TACC1: variants seen among roughly 807,000 people sequenced by gnomAD.
TACC1 encodes transforming acidic coiled-coil containing protein 1, also known as transforming acidic coiled-coil-containing protein 1.
TACC1 carries 48 observed loss-of-function variants against 84.4 expected under a neutral mutation model. That is an observed-to-expected ratio of 0.57 (90% CI 0.45 to 0.72). The LOEUF is 0.72. Among genes scored for constraint, TACC1 ranks in the 30% least tolerant of loss-of-function variants. The probability of loss-of-function intolerance (pLI) is 0.00; values close to 1 mark genes in which losing one functional copy is unlikely to be tolerated. For synonymous variants in TACC1, 372 were observed against 376.3 expected (o/e 0.99, Z 0.13); for missense variants, 920 against 973.0 (o/e 0.95, Z 0.72).
chr8:38,752,195 G>A (rs1443201565), intron 3 of TACC1, among the ~76,000 whole-genome samples: 2 of 152,122 alleles, frequency 1.3e-5, no homozygotes, highest in Non-Finnish European at 2.9e-5. Flanking sequence ...TCTTGGCCAG[G>A]CACTGTGGCT....
Position 38,848,466 on chromosome 8 carries a change from GC to G in TACC1, c.*445del, listed in dbSNP as rs1359584689. ...TGGTTTTATTTAAGGAGACAGTTTG[GC>G]CTATTGTTACTTCCAATTTATAATC... On this transcript the variant is annotated 3_prime_UTR_variant, in exon 13 of 13. Coordinates refer to ENST00000317827, the MANE Select transcript of TACC1 (RefSeq NM_006283.3). 6.5e-6 allele frequency: 1 copy of G among 153,042 alleles called. No individual in the cohort carries two copies. The highest frequency in any genetic ancestry group is 1.5e-5 in the Non-Finnish European group (1 of 68,468). 9.5% of individuals were successfully genotyped at this position (153,042 alleles called of 1,614,324 possible). A position where few individuals can be genotyped will look rare whatever the true frequency, so the allele number is the denominator to read the frequency against.
chr8:38,828,508 G>A (rs905422243), intron 5 of TACC1, among the ~76,000 whole-genome samples: 2 of 152,176 alleles, frequency 1.3e-5, no homozygotes, highest in Admixed American at 1.3e-4. Context: ...TATAATTGGA[G>A]GACAGAAGGG....
At chr8:38,844,463 C>T (rs1223992001) in intron 11 of TACC1, among the ~76,000 whole-genome samples, 7 of 152,098 alleles carry the variant, frequency 4.6e-5, no homozygotes, top group African/African-American at 9.7e-5. Context: ...TGTGAGCCAC[C>T]GCGCCCAGCC....
At chr8:38,735,435 C>T (rs1025865128) in intron 1 of TACC1, among the ~76,000 whole-genome samples, 1 of 152,172 alleles carries the variant, frequency 6.6e-6, no homozygotes, top group Non-Finnish European at 1.5e-5. Flanking sequence ...CAGACTGGCA[C>T]CCTTACATCT....
At chr8:38,841,240 C>T (rs1400890650) in intron 9 of TACC1, among the ~76,000 whole-genome samples, 1 of 152,144 alleles carries the variant, frequency 6.6e-6, no homozygotes, top group African/African-American at 2.4e-5. Context: ...CACTTTGGCT[C>T]ACGTCTGAAC....
At chr8:38,747,487 G>T (rs1037232899) in intron 3 of TACC1, among the ~76,000 whole-genome samples, 1 of 152,156 alleles carries the variant, frequency 6.6e-6, no homozygotes. Context: ...GATAAACCGT[G>T]ATATATCCAG....
chr8:38,746,324 A>G (rs1808087410), intron 3 of TACC1, among the ~76,000 whole-genome samples: 2 of 152,200 alleles, frequency 1.3e-5, no homozygotes, highest in African/African-American at 4.8e-5. Context: ...TTCTGCTTTC[A>G]AGGTTTATAT....
chr8:38,753,637 C>T (rs191532349), intron 3 of TACC1, among the ~76,000 whole-genome samples: 2 of 152,178 alleles, frequency 1.3e-5, no homozygotes, highest in East Asian at 1.9e-4. Context: ...TCCCTAAAAG[C>T]CCTCATAAGT....
chr8:38,843,468 C>CT, intron 11 of TACC1, 73 bp downstream of exon 11: 1 of 1,109,104 alleles, frequency 9.0e-7, no homozygotes, highest in South Asian at 1.6e-5. Flanking sequence ...AACAAAATCA[C>CT]TGTTTCGCAA....
Position 38,845,279 on chromosome 8 carries a change from A to G in TACC1, c.2229-1420A>G, listed in dbSNP as rs964140988. Among the ~76,000 whole-genome samples, 4 of 152,280 alleles carry G rather than the reference A, an allele frequency of 2.6e-5. No homozygotes were observed. The East Asian group carries it at 5.8e-4, about 22-fold the overall frequency. Reference sequence around the variant, plus strand: ...TACATGCTTGTACATTTTGCTGCCTAAATTTCTATCTGTAGAAGCAGAAGT... The same window carrying G: ...TACATGCTTGTACATTTTGCTGCCTGAATTTCTATCTGTAGAAGCAGAAGT... On this transcript the variant is annotated intron_variant, in intron 11 of 12. Coordinates refer to ENST00000317827, the MANE Select transcript of TACC1 (RefSeq NM_006283.3).
Position 38,787,354 on chromosome 8 carries a change from C to G in TACC1, c.-229C>G. 7.6e-7 allele frequency: 1 copy of G among 1,309,964 alleles called. No individual in the cohort carries two copies. The highest frequency in any genetic ancestry group is 1.6e-5 in the African/African-American group (1 of 64,482). The allele number at this position is 1,309,964 out of a possible 1,614,324, so 81.1% of individuals were successfully genotyped here. A position where few individuals can be genotyped will look rare whatever the true frequency, so the allele number is the denominator to read the frequency against. ...GGCTAGTGGAGCCCGGCGCGGGGCC[C>G]GCTGCGGCCGCACCGTGAGGGGAGG... On this transcript the variant is annotated 5_prime_UTR_variant, in exon 1 of 13. Transcript: ENST00000317827.
At chr8:38,838,152 TGTCTGTCCCAGTCAGGGCCTG>T (rs1830573072) in intron 7 of TACC1, among the ~76,000 whole-genome samples, 1 of 152,234 alleles carries the variant, frequency 6.6e-6, no homozygotes, top group African/African-American at 2.4e-5. Flanking sequence ...CTGTTCTTGG[TGTCTGTCCCAGTCAGGGCCTG>T]GCCCTGCAGA....
At chr8:38,792,442 C>T (rs1269029984) in intron 2 of TACC1, among the ~76,000 whole-genome samples, 1 of 151,948 alleles carries the variant, frequency 6.6e-6, no homozygotes, top group African/African-American at 2.4e-5. Context: ...TATAGGCACA[C>T]ACTACCATGC....
At chr8:38,755,686 A>G (rs1387387147) in intron 3 of TACC1, among the ~76,000 whole-genome samples, 1 of 149,884 alleles carries the variant, frequency 6.7e-6, no homozygotes, top group Non-Finnish European at 1.5e-5. Context: ...CCTGGGCAAC[A>G]GAAAGAGACA....
At position 38,763,139 on chromosome 8, in the gene TACC1, TTTGTTG is replaced by T. The variant is rs539652779; in HGVS notation, c.26+17667_26+17672del. ...CCAATGGGTGCGAAGTGGTATCTCA[TTTGTTG>T]TTGTTGTTGTTGTTGTTGTTTTAGA... On this transcript the variant is annotated intron_variant, in intron 3 of 14. Coordinates refer to the TACC1 transcript ENST00000518415. Among the ~76,000 whole-genome samples, 347 of 152,078 alleles carry T rather than the reference TTTGTTG, an allele frequency of 2.3e-3. 2 individuals carry two copies. The highest frequency in any genetic ancestry group is 7.6e-3 in the African/African-American group (315 of 41,500).
At chr8:38,817,918 C>T (rs916004058) in intron 2 of TACC1, among the ~76,000 whole-genome samples, 25 of 63,104 alleles carry the variant, frequency 4.0e-4, no homozygotes, top group African/African-American at 1.7e-3. Context: ...TGAGAGACCC[C>T]TAAAAAAAAA....
chr8:38,739,460 T>G (rs1047106828), intron 1 of TACC1, among the ~76,000 whole-genome samples: 1 of 152,236 alleles, frequency 6.6e-6, no homozygotes, highest in Admixed American at 6.5e-5. Context: ...ACATACAGTT[T>G]CTTTTGCCTT....
In TACC1 at chr8:38,849,542, A is replaced by C. The variant is rs930402604; in HGVS notation, c.*1519A>C. 6.6e-6 allele frequency: 1 copy of C among 152,220 alleles called. No homozygotes were observed. Among genetic ancestry groups the C allele is most frequent in the African/African-American group, 2.4e-5 (1 of 41,460 alleles). The allele number at this position is 152,220 out of a possible 1,614,324, so 9.4% of individuals were successfully genotyped here. On this transcript the variant is annotated 3_prime_UTR_variant, in exon 13 of 13. Coordinates refer to ENST00000317827, the MANE Select transcript of TACC1 (RefSeq NM_006283.3). ...CTCTTGTAAAACTGTTGCATGATCC[A>C]ACTTCAGCAATGAATTGTGCCTAGT...
At position 38,787,760 on chromosome 8, in the gene TACC1, C is replaced by A; in HGVS notation, c.161+17C>A. The A allele has an allele frequency of 6.6e-7, 1 of 1,507,618 alleles. No individual in the cohort carries two copies. Among genetic ancestry groups the A allele is most frequent in the East Asian group, 2.6e-5 (1 of 38,106 alleles). 93.4% of individuals were successfully genotyped at this position (1,507,618 alleles called of 1,614,324 possible). A position where few individuals can be genotyped will look rare whatever the true frequency, so the allele number is the denominator to read the frequency against. On this transcript the variant is annotated intron_variant, in intron 1 of 12. Transcript: ENST00000317827. ...GAGTTTCAGGCAAGTACACGGCGTC[C>A]CCGCTGAGATGCAGACGCGCTTGCC...
Sources: gnomAD v4.1 joint callset for allele counts (sites outside exome capture counted in the v4.1 genomes callset) on GRCh38, gnomAD v4.1.1 for gene constraint, MANE v1.5 for transcripts, NCBI Gene and HGNC (gene_info 2026-07-23, HGNC 2026-07-21) for gene names.